Variants in KCNMA1 observed in about 807,000 individuals in gnomAD.
The protein encoded by KCNMA1 is potassium calcium-activated channel subfamily M alpha 1.
In KCNMA1, 29 loss-of-function variants were observed where a neutral mutation model predicts 140.0. The observed-to-expected ratio is 0.21, with a 90% CI of 0.15 to 0.28. The LOEUF is 0.28. KCNMA1 is among the 10% of genes least tolerant of loss of function. The probability of loss-of-function intolerance (pLI) is 1.00; values close to 1 mark genes in which losing one functional copy is unlikely to be tolerated. For missense variants in KCNMA1, 880 were observed against 1,602.2 expected (o/e 0.55, Z 7.70); for synonymous variants, 612 against 611.9 (o/e 1.00, Z 0.00).
intron 5 of KCNMA1, among the ~76,000 whole-genome samples, chr10:77,160,760 G>T (rs981671690): frequency 6.6e-6 from 1 of 152,222 alleles, no homozygotes; most frequent in South Asian, 2.1e-4. Flanking sequence ...GAAATGTCAT[G>T]TCTTATAAAT....
chr10:77,348,620 AG>A, intron 2 of KCNMA1, among the ~76,000 whole-genome samples: 1 of 152,366 alleles, frequency 6.6e-6, no homozygotes, highest in East Asian at 1.9e-4. Context: ...TCTTGAAAGA[AG>A]AAGCTTTGTA....
At chr10:76,981,756 C>A (rs1400708172) in intron 19 of KCNMA1, among the ~76,000 whole-genome samples, 1 of 152,210 alleles carries the variant, frequency 6.6e-6, no homozygotes, top group Non-Finnish European at 1.5e-5. Context: ...AATCCCCTGG[C>A]ACTTCTGATC....
Position 77,629,798 on chromosome 10 carries a change from C to T in KCNMA1, c.378+7467G>A, listed in dbSNP as rs542191749. Among the ~76,000 whole-genome samples the T allele has an allele frequency of 3.3e-5, 5 of 152,290 alleles. No homozygotes were observed. The South Asian group carries it at 1.0e-3, about 32-fold the overall frequency. Reference sequence around the variant, plus strand: ...ACTTAATATGCAACAAAAGCAAAAACAACAACAATAATTATAACCAGAAGA... The same window carrying T: ...ACTTAATATGCAACAAAAGCAAAAATAACAACAATAATTATAACCAGAAGA... On this transcript the variant is annotated intron_variant, in intron 1 of 27. Transcript: ENST00000286628.
At chr10:77,305,787 C>G (rs1169242060) in intron 2 of KCNMA1, among the ~76,000 whole-genome samples, 4 of 152,132 alleles carry the variant, frequency 2.6e-5, no homozygotes, top group Non-Finnish European at 5.9e-5. Context: ...ACACCACAGC[C>G]CTGTAAATTC....
intron 2 of KCNMA1, among the ~76,000 whole-genome samples, chr10:77,289,062 A>AC (rs1306333013): frequency 2.0e-5 from 3 of 152,186 alleles, no homozygotes; most frequent in Non-Finnish European, 2.9e-5. Flanking sequence ...CCTAGCAGCA[A>AC]TGACAATCCT....
chr10:77,487,295 C>A (rs2098472396), intron 1 of KCNMA1, among the ~76,000 whole-genome samples: 1 of 152,122 alleles, frequency 6.6e-6, no homozygotes, highest in East Asian at 1.9e-4. Flanking sequence ...CTGGAACACA[C>A]TTAAATGAAG....
At chr10:76,891,430 C>T in intron 26 of KCNMA1, 95 bp downstream of exon 26, 1 of 923,410 alleles carries the variant, frequency 1.1e-6, no homozygotes, top group Non-Finnish European at 1.7e-6. Context: ...AGGAGAAAAG[C>T]CAGATGCCTA....
At chr10:76,992,609 T>C (rs997016761) in intron 19 of KCNMA1, among the ~76,000 whole-genome samples, 5 of 152,158 alleles carry the variant, frequency 3.3e-5, no homozygotes, top group Non-Finnish European at 7.3e-5. Context: ...CTTCCAGAAG[T>C]TGGCATTCTC....
intron 19 of KCNMA1, among the ~76,000 whole-genome samples, chr10:76,985,795 T>C (rs908742293): frequency 4.6e-5 from 7 of 152,208 alleles, no homozygotes; most frequent in African/African-American, 1.4e-4. Flanking sequence ...TCACTGGAAG[T>C]GATCATTATG....
At chr10:77,104,393 C>T (rs1226583866) in intron 9 of KCNMA1, among the ~76,000 whole-genome samples, 3 of 152,154 alleles carry the variant, frequency 2.0e-5, no homozygotes, top group Non-Finnish European at 2.9e-5. Flanking sequence ...ACCAGAATGG[C>T]GGCTCAGCAG....
chr10:77,477,337 G>A (rs2098300400), intron 1 of KCNMA1, among the ~76,000 whole-genome samples: 1 of 152,192 alleles, frequency 6.6e-6, no homozygotes, highest in Non-Finnish European at 1.5e-5. Context: ...CTAGTTCCTT[G>A]GACAAAGATC....
chr10:77,213,995 C>A lies in KCNMA1; in HGVS notation c.603-29079G>T, dbSNP rs184417399. On this transcript the variant is annotated intron_variant, in intron 3 of 27. Coordinates refer to ENST00000286628, the MANE Select transcript of KCNMA1 (RefSeq NM_001161352.2). ...TGCCTTGCCTTGCAACGCTCCTTGT[C>A]CAGCCTAATTCCCATAGTCCACCAT... Among the ~76,000 whole-genome samples the A allele has an allele frequency of 2.4e-3, 360 of 152,214 alleles. 1 individual carries two copies. The highest frequency in any genetic ancestry group is 8.5e-3 in the African/African-American group (352 of 41,528).
At chr10:76,904,979 A>G (rs1243751632) in intron 25 of KCNMA1, 1 of 152,234 alleles carries the variant, frequency 6.6e-6, no homozygotes, top group Non-Finnish European at 1.5e-5. Context: ...TAAAGGGAGC[A>G]GCTGCTCAGC....
chr10:77,168,552 A>T (rs377243005), intron 5 of KCNMA1, among the ~76,000 whole-genome samples: 2 of 152,224 alleles, frequency 1.3e-5, no homozygotes, highest in African/African-American at 2.4e-5. Flanking sequence ...GTGCATCTAA[A>T]CATATAAAAG....
At chr10:77,154,779 G>T (rs533223449) in intron 5 of KCNMA1, among the ~76,000 whole-genome samples, 1 of 152,286 alleles carries the variant, frequency 6.6e-6, no homozygotes, top group South Asian at 2.1e-4. Context: ...AGTAGGTTAC[G>T]GCCTAGTAGT....
intron 1 of KCNMA1, among the ~76,000 whole-genome samples, chr10:77,466,108 ACCTCTTCCTGGC>A (rs1433940723): frequency 6.6e-6 from 1 of 151,882 alleles, no homozygotes; most frequent in African/African-American, 2.4e-5. Flanking sequence ...GGCTGCATCC[ACCTCTTCCTGGC>A]CCAGACCTCT....
intron 15 of KCNMA1, 67 bp downstream of exon 15, chr10:77,039,461 G>T: frequency 1.1e-6 from 1 of 920,016 alleles, no homozygotes; most frequent in Non-Finnish European, 1.8e-6. Context: ...GAGGTGGGAG[G>T]CTTCCTTGCA....
chr10:77,176,433 C>A (rs2154112006), intron 5 of KCNMA1, among the ~76,000 whole-genome samples: 1 of 152,232 alleles, frequency 6.6e-6, no homozygotes, highest in East Asian at 1.9e-4. Context: ...GCAAGTCTGT[C>A]TAGTAACTCA....
At chr10:77,013,014 G>A (rs181237682) in intron 17 of KCNMA1, among the ~76,000 whole-genome samples, 1 of 152,286 alleles carries the variant, frequency 6.6e-6, no homozygotes, top group African/African-American at 2.4e-5. Flanking sequence ...CTGGATCCAA[G>A]AACTAACAAA....
Sources: gnomAD v4.1 joint callset for allele counts (sites outside exome capture counted in the v4.1 genomes callset) on GRCh38, gnomAD v4.1.1 for gene constraint, MANE v1.5 for transcripts, NCBI Gene and HGNC (gene_info 2026-07-23, HGNC 2026-07-21) for gene names.